Variants in DUSP16 observed in about 807,000 individuals in gnomAD.
DUSP16 encodes dual specificity phosphatase 16, also known as dual specificity protein phosphatase 16.
In DUSP16, 21 loss-of-function variants were observed where a neutral mutation model predicts 58.3. That is an observed-to-expected ratio of 0.36 (90% CI 0.26 to 0.52). The LOEUF is 0.52. DUSP16 is among the 20% of genes least tolerant of loss of function. The probability of loss-of-function intolerance (pLI) is 0.94; values close to 1 mark genes in which losing one functional copy is unlikely to be tolerated. For missense variants in DUSP16, 726 were observed against 819.0 expected, an observed-to-expected ratio of 0.89 and a Z score of 1.39; for synonymous variants, 320 against 323.8, an observed-to-expected ratio of 0.99 and a Z score of 0.12.
intron 1 of DUSP16, among the ~76,000 whole-genome samples, chr12:12,551,697 T>A (rs1302916852): frequency 6.6e-6 from 1 of 151,836 alleles, no homozygotes; most frequent in East Asian, 1.9e-4. Flanking sequence ...AAACCTTTTT[T>A]TTTTTTTTTT....
intron 1 of DUSP16, among the ~76,000 whole-genome samples, chr12:12,557,576 T>C (rs1032484515): frequency 3.9e-5 from 6 of 151,932 alleles, no homozygotes; most frequent in Non-Finnish European, 8.8e-5. Flanking sequence ...AGATTTTTAT[T>C]CAAATTCATT....
At chr12:12,546,323 G>A (rs954493874) in intron 1 of DUSP16, among the ~76,000 whole-genome samples, 1 of 152,164 alleles carries the variant, frequency 6.6e-6, no homozygotes, top group Non-Finnish European at 1.5e-5. Flanking sequence ...GGGATGGATG[G>A]TGATAAGTAG....
At chr12:12,503,524 G>A (rs12581531) in intron 3 of DUSP16, among the ~76,000 whole-genome samples, 3,948 of 152,076 alleles carry the variant, frequency 0.026, 285 homozygotes, top group East Asian at 0.26. Flanking sequence ...AGTATCTAGC[G>A]CCATCTGTGG....
chr12:12,510,884 A>G (rs577021377), intron 3 of DUSP16, among the ~76,000 whole-genome samples: 13 of 152,250 alleles, frequency 8.5e-5, no homozygotes, highest in African/African-American at 3.1e-4. Context: ...AGGGTGCATG[A>G]TGTCTTAGGT....
rs752411411 is a variant in DUSP16, at chr12:12,500,647, G to A, written c.403C>T (p.Leu135Phe). Residue 135 changes from leucine (L) to phenylalanine (F), a missense_variant, in exon 4 of 7, where the codon CTC (leucine) becomes TTC (phenylalanine). Leu to Phe is a conservative substitution (Grantham distance 22). Coordinates refer to ENST00000298573, the MANE Select transcript of DUSP16 (RefSeq NM_030640.3). ...FAEFSRCFPGLCEGKSTLVPT... is the reference protein window; with the variant it reads ...FAEFSRCFPGFCEGKSTLVPT... ...ACTAGAGTGGATTTTCCTTCACAGA[G>A]GCCAGGGAAACAACGAGAGAACTCA... 13 of 1,601,216 alleles carry A rather than the reference G, an allele frequency of 8.1e-6. No homozygotes were observed. In the Admixed American group the frequency reaches 1.7e-4, roughly 21 times the overall value.
At chr12:12,556,838 T>C (rs1198405411) in intron 1 of DUSP16, among the ~76,000 whole-genome samples, 1 of 152,196 alleles carries the variant, frequency 6.6e-6, no homozygotes, top group African/African-American at 2.4e-5. Context: ...ACAGGAACAA[T>C]ATGCCATAGG....
chr12:12,538,159 C>T (rs185924169), intron 1 of DUSP16, among the ~76,000 whole-genome samples: 26 of 152,330 alleles, frequency 1.7e-4, no homozygotes, highest in Middle Eastern at 6.8e-3. Context: ...TGCGCCACCA[C>T]GCCTGGCTAA....
chr12:12,489,917 TG>T (rs1943739092), intron 4 of DUSP16, among the ~76,000 whole-genome samples: 1 of 152,240 alleles, frequency 6.6e-6, no homozygotes, highest in Admixed American at 6.5e-5. Flanking sequence ...ATGCCTACAA[TG>T]TGCCAGGTAC....
intron 1 of DUSP16, among the ~76,000 whole-genome samples, chr12:12,547,126 C>T (rs1246131545): frequency 3.9e-5 from 6 of 152,122 alleles, no homozygotes; most frequent in Admixed American, 3.3e-4. Flanking sequence ...TTTGTTTGCT[C>T]TATGTATTTA....
chr12:12,547,754 G>T lies in DUSP16; in HGVS notation c.-366+14363C>A, dbSNP rs972512304. On this transcript the variant is annotated intron_variant, in intron 1 of 6. Transcript: ENST00000298573. Reference sequence around the variant, plus strand: ...ATCAAAGATCCAACAAAGCTTTGGTGGAGTGCTACCTTCTAGCTATTGGCT... The same window carrying T: ...ATCAAAGATCCAACAAAGCTTTGGTTGAGTGCTACCTTCTAGCTATTGGCT... Among the ~76,000 whole-genome samples the T allele has an allele frequency of 6.6e-5, 10 of 152,098 alleles. No homozygotes were observed. In the East Asian group the frequency reaches 1.9e-3, roughly 29 times the overall value.
At chr12:12,490,423 AC>A (rs1266747935) in intron 4 of DUSP16, among the ~76,000 whole-genome samples, 2 of 151,548 alleles carry the variant, frequency 1.3e-5, no homozygotes, top group Middle Eastern at 3.2e-3. Context: ...ACAAAAAAAA[AC>A]CCTTAAATAC....
At chr12:12,509,987 G>C (rs776509828) in intron 3 of DUSP16, among the ~76,000 whole-genome samples, 2 of 152,120 alleles carry the variant, frequency 1.3e-5, no homozygotes, top group Non-Finnish European at 2.9e-5. Flanking sequence ...AAATTGGCGA[G>C]TGTCACTTTG....
At chr12:12,511,225 C>T (rs932888369) in intron 3 of DUSP16, among the ~76,000 whole-genome samples, 2 of 152,134 alleles carry the variant, frequency 1.3e-5, no homozygotes, top group Admixed American at 6.6e-5. Flanking sequence ...GAATAACATT[C>T]AACTGACTTC....
intron 1 of DUSP16, among the ~76,000 whole-genome samples, chr12:12,549,593 C>CA (rs1944696007): frequency 6.6e-6 from 1 of 152,094 alleles, no homozygotes; most frequent in Non-Finnish European, 1.5e-5. Context: ...AAAAAAATAA[C>CA]AGTCTCCCCA....
At chr12:12,555,964 C>A (rs899784888) in intron 1 of DUSP16, among the ~76,000 whole-genome samples, 10 of 152,014 alleles carry the variant, frequency 6.6e-5, no homozygotes, top group Non-Finnish European at 1.5e-4. Context: ...TCCCTTGAAC[C>A]GAGGAAGTCA....
chr12:12,495,236 CAAAA>C (rs10555943), intron 4 of DUSP16, among the ~76,000 whole-genome samples: 14 of 98,934 alleles, frequency 1.4e-4, no homozygotes, highest in East Asian at 2.8e-4. Flanking sequence ...AAAGCCATTA[CAAAA>C]AAAAAAAAAA....
chr12:12,523,648 A>C (rs1185187353), intron 1 of DUSP16, among the ~76,000 whole-genome samples: 1 of 152,250 alleles, frequency 6.6e-6, no homozygotes, highest in Non-Finnish European at 1.5e-5. Context: ...AACTGAAGGA[A>C]CTATAAGAGA....
At chr12:12,524,325 T>C (rs183907262) in intron 1 of DUSP16, among the ~76,000 whole-genome samples, 4 of 152,340 alleles carry the variant, frequency 2.6e-5, no homozygotes, top group Admixed American at 2.6e-4. Context: ...CTTTCAGTGC[T>C]GTACTGAGGC....
rs73293632 is a variant in DUSP16 at position 12,537,354 on chromosome 12, C to T, written c.-365-15891G>A. On this transcript the variant is annotated intron_variant, in intron 1 of 6. Coordinates refer to ENST00000298573, the MANE Select transcript of DUSP16 (RefSeq NM_030640.3). ...TAAATGTAATTACATAGCCCTATGA[C>T]AGCAATGCTACAAGGTAAAAGACAT... 4.0e-3 allele frequency among the ~76,000 whole-genome samples: 602 copies of T among 152,272 alleles called. 9 individuals are homozygous for T. The highest frequency in any genetic ancestry group is 0.014 in the African/African-American group (567 of 41,566).
Sources: allele counts gnomAD v4.1 joint callset (sites outside exome capture counted in the v4.1 genomes callset), GRCh38; gene constraint gnomAD v4.1.1; transcripts MANE v1.5; gene names NCBI Gene and HGNC (gene_info 2026-07-23, HGNC 2026-07-21).